PTPRD: variants seen among roughly 807,000 people sequenced by gnomAD.
The protein encoded by PTPRD is protein tyrosine phosphatase receptor type D.
In PTPRD, 34 loss-of-function variants were observed where a neutral mutation model predicts 214.5. The ratio of observed to expected loss-of-function variants is 0.16; its 90% CI spans 0.12 to 0.21. The LOEUF is 0.21. Among genes scored for constraint, PTPRD ranks in the 10% least tolerant of loss-of-function variants. The pLI, the probability that PTPRD is intolerant of heterozygous loss-of-function variation, is 1.00. For missense variants in PTPRD, 2,545 were observed against 2,398.7 expected (o/e 1.06, Z -1.27); for synonymous variants, 1,128 against 845.7 (o/e 1.33, Z -5.79).
chr9:8,563,202 A>C (rs981483324), intron 14 of PTPRD, among the ~76,000 whole-genome samples: 1 of 152,146 alleles, frequency 6.6e-6, no homozygotes, highest in Admixed American at 6.5e-5. Context: ...TGACAGGGTG[A>C]TGACTGTTTG....
chr9:10,412,059 A>G (rs2098441107), intron 2 of PTPRD, among the ~76,000 whole-genome samples: 1 of 151,772 alleles, frequency 6.6e-6, no homozygotes, highest in Non-Finnish European at 1.5e-5. Flanking sequence ...CTGAGTGTCC[A>G]TTTCATGATA....
intron 44 of PTPRD, among the ~76,000 whole-genome samples, chr9:8,328,172 T>C (rs2131341126): frequency 6.6e-6 from 1 of 152,330 alleles, no homozygotes; most frequent in East Asian, 1.9e-4. Flanking sequence ...TTCCTTTCCA[T>C]GTTTAGTGCT....
At chr9:8,547,726 C>T (rs2080676237) in intron 14 of PTPRD, among the ~76,000 whole-genome samples, 1 of 151,054 alleles carries the variant, frequency 6.6e-6, no homozygotes, top group South Asian at 2.1e-4. Flanking sequence ...AATATCAGCC[C>T]ATGATAAAAA....
At chr9:10,066,091 G>C (rs1590149409) in intron 3 of PTPRD, among the ~76,000 whole-genome samples, 1 of 151,868 alleles carries the variant, frequency 6.6e-6, no homozygotes, top group Non-Finnish European at 1.5e-5. Context: ...CCCTAGTAAA[G>C]TGAATGGCTT....
chr9:8,522,351 G>A (rs1024904295), intron 19 of PTPRD, among the ~76,000 whole-genome samples: 1 of 152,142 alleles, frequency 6.6e-6, no homozygotes, highest in African/African-American at 2.4e-5. Flanking sequence ...AAAGTATAAC[G>A]ATTGAAACAC....
chr9:8,759,031 G>T (rs2094221837), intron 11 of PTPRD, among the ~76,000 whole-genome samples: 1 of 146,014 alleles, frequency 6.8e-6, no homozygotes, highest in Non-Finnish European at 1.5e-5. Flanking sequence ...TTTGGTTTTG[G>T]GTTTTTTTTT....
chr9:8,909,305 T>A (rs866027262), intron 11 of PTPRD, among the ~76,000 whole-genome samples: 4 of 152,120 alleles, frequency 2.6e-5, no homozygotes, highest in Middle Eastern at 3.4e-3. Flanking sequence ...AGACATCACA[T>A]AAAAATAAAA....
intron 12 of PTPRD, among the ~76,000 whole-genome samples, chr9:8,648,444 T>A (rs1204678485): frequency 6.6e-6 from 1 of 152,214 alleles, no homozygotes; most frequent in African/African-American, 2.4e-5. Flanking sequence ...TGGTTTTGAA[T>A]CACTCATAGA....
intron 12 of PTPRD, among the ~76,000 whole-genome samples, chr9:8,696,208 G>C (rs573663512): frequency 6.6e-6 from 1 of 152,168 alleles, no homozygotes; most frequent in Non-Finnish European, 1.5e-5. Flanking sequence ...CACGGGATGG[G>C]AAACCAAGAG....
At chr9:9,396,047 T>G (rs564991499) in intron 9 of PTPRD, among the ~76,000 whole-genome samples, 5 of 152,060 alleles carry the variant, frequency 3.3e-5, no homozygotes, top group Non-Finnish European at 5.9e-5. Context: ...CTTTACAGTT[T>G]ACCCTGGAAT....
rs146511949 is a variant in PTPRD, at chr9:9,312,210, A to C, written c.-203+85239T>G. ...GTATCAGCTTTACTCCACCCGTTTA[A>C]AAATTGCAGGAACTGAAGTTCAGAA... On this transcript the variant is annotated intron_variant, in intron 9 of 45. Transcript: ENST00000381196. Among the ~76,000 whole-genome samples, 590 of 152,290 alleles carry C rather than the reference A, an allele frequency of 3.9e-3. 13 individuals carry two copies. Among genetic ancestry groups the C allele is most frequent in the Admixed American group, 0.026 (403 of 15,290 alleles).
chr9:9,251,662 G>A (rs976399836), intron 9 of PTPRD, among the ~76,000 whole-genome samples: 18 of 152,032 alleles, frequency 1.2e-4, no homozygotes, highest in Non-Finnish European at 2.1e-4. Context: ...ACAAGGCTGA[G>A]AGTTCTTTAG....
Position 9,084,626 on chromosome 9 carries a change from G to A in PTPRD, c.-142-65891C>T, listed in dbSNP as rs574857762. 2.0e-5 allele frequency among the ~76,000 whole-genome samples: 3 copies of A among 152,224 alleles called. No homozygotes were observed. The South Asian group carries it at 6.2e-4, about 32-fold the overall frequency. On this transcript the variant is annotated intron_variant, in intron 10 of 45. Transcript: ENST00000381196. ...TGTATTTAAAGGACTGTAAATGAAT[G>A]GGATCTGAGAGTGTTATTTTTAAGC...
intron 14 of PTPRD, among the ~76,000 whole-genome samples, chr9:8,560,537 T>TA (rs1248932984): frequency 1.3e-5 from 2 of 151,826 alleles, no homozygotes; most frequent in East Asian, 3.9e-4. Flanking sequence ...TAATTAAATT[T>TA]AAAAAAATGT....
At chr9:10,180,885 A>T (rs569651095) in intron 3 of PTPRD, among the ~76,000 whole-genome samples, 24 of 152,166 alleles carry the variant, frequency 1.6e-4, no homozygotes, top group African/African-American at 5.5e-4. Context: ...TGGAAAAGAA[A>T]ATCAGAAAAT....
At chr9:8,998,313 T>C (rs962499363) in intron 11 of PTPRD, among the ~76,000 whole-genome samples, 4 of 152,090 alleles carry the variant, frequency 2.6e-5, no homozygotes, top group South Asian at 2.1e-4. Context: ...GGTGGTGACT[T>C]TTAGTGGAAG....
intron 3 of PTPRD, among the ~76,000 whole-genome samples, chr9:10,206,533 T>G (rs534724840): frequency 6.6e-6 from 1 of 152,300 alleles, no homozygotes; most frequent in East Asian, 1.9e-4. Context: ...GGTAATAACT[T>G]TGAAAAACTA....
Position 10,536,505 on chromosome 9 carries a change from T to C in PTPRD, c.-600+75893A>G, listed in dbSNP as rs565737949. Among the ~76,000 whole-genome samples, 5 of 152,290 alleles carry C rather than the reference T, an allele frequency of 3.3e-5. No homozygotes were observed. The South Asian group carries it at 6.2e-4, about 19-fold the overall frequency. ...ATGAGAAACTTCATAATAATAATTT[T>C]AAATAAACTTCCCTATCCTATTAGG... On this transcript the variant is annotated intron_variant, in intron 2 of 45. Transcript: ENST00000381196.
intron 9 of PTPRD, among the ~76,000 whole-genome samples, chr9:9,331,020 T>TA (rs1569567431): frequency 6.6e-6 from 1 of 151,798 alleles, no homozygotes; most frequent in Non-Finnish European, 1.5e-5. Context: ...TTGCATGGAA[T>TA]AAAAAATCCT....
Sources: gnomAD v4.1 joint callset for allele counts (sites outside exome capture counted in the v4.1 genomes callset) on GRCh38, gnomAD v4.1.1 for gene constraint, MANE v1.5 for transcripts, NCBI Gene and HGNC (gene_info 2026-07-23, HGNC 2026-07-21) for gene names.